Variants in LRFN5 observed in about 807,000 individuals in gnomAD.
The protein encoded by LRFN5 is leucine rich repeat and fibronectin type III domain containing 5.
LRFN5 carries 24 observed loss-of-function variants against 45.6 expected under a neutral mutation model. The observed-to-expected ratio is 0.53, with a 90% confidence interval of 0.38 to 0.74. The LOEUF is 0.74. Ranked by LOEUF, LRFN5 falls within the 30% of genes least tolerant of loss-of-function variation. The pLI is 0.00. For missense variants in LRFN5, 776 were observed against 861.5 expected (o/e 0.90, Z 1.24); for synonymous variants, 340 against 313.8 (o/e 1.08, Z -0.88).
At chr14:41,823,377 C>T (rs1888189969) in intron 2 of LRFN5, among the ~76,000 whole-genome samples, 1 of 151,748 alleles carries the variant, frequency 6.6e-6, no homozygotes, top group Non-Finnish European at 1.5e-5. Flanking sequence ...ACTATTTATC[C>T]TCCATTTATG....
chr14:41,716,372 C>T (rs557349830), intron 1 of LRFN5, among the ~76,000 whole-genome samples: 1 of 152,254 alleles, frequency 6.6e-6, no homozygotes, highest in East Asian at 1.9e-4. Context: ...ATTTTCAGAA[C>T]TTTTATGTTC....
chr14:41,898,689 A>G (rs1891014473), intron 4 of LRFN5, among the ~76,000 whole-genome samples: 1 of 152,026 alleles, frequency 6.6e-6, no homozygotes. Context: ...ATTTTAGAAT[A>G]TTATGTTTTT....
intron 1 of LRFN5, among the ~76,000 whole-genome samples, chr14:41,619,412 A>G (rs1162768434): frequency 2.0e-5 from 3 of 152,196 alleles, no homozygotes; most frequent in Non-Finnish European, 4.4e-5. Flanking sequence ...AAAATAATTA[A>G]AATGAGTGTA....
chr14:41,690,185 C>CT (rs1283787104), intron 1 of LRFN5, among the ~76,000 whole-genome samples: 6 of 151,586 alleles, frequency 4.0e-5, no homozygotes, highest in Admixed American at 3.3e-4. Context: ...TAACCAAGTC[C>CT]TATTCATCAT....
At chr14:41,882,836 T>C (rs1178884725) in intron 2 of LRFN5, among the ~76,000 whole-genome samples, 1 of 147,518 alleles carries the variant, frequency 6.8e-6, no homozygotes, top group Non-Finnish European at 1.5e-5. Context: ...GCAACAGCTA[T>C]GTATTTCCTC....
At position 41,821,737 on chromosome 14, in the gene LRFN5, C is replaced by G. The variant is rs565744901; in HGVS notation, c.-21+54708C>G. Reference sequence around the variant, plus strand: ...TTGGTTGTACATCTATAGAAATTGGCTGTGAATCCATCTGTTCCTGGGCGT... The same window carrying G: ...TTGGTTGTACATCTATAGAAATTGGGTGTGAATCCATCTGTTCCTGGGCGT... On this transcript the variant is annotated intron_variant, in intron 2 of 5. Coordinates refer to ENST00000298119, the MANE Select transcript of LRFN5 (RefSeq NM_152447.5). Among the ~76,000 whole-genome samples, 5 of 124,472 alleles carry G rather than the reference C, an allele frequency of 4.0e-5. No individual in the cohort carries two copies. In the South Asian group the frequency reaches 1.3e-3, roughly 31 times the overall value. The allele number at this position is 124,472 out of a possible 152,430, so 81.7% of individuals were successfully genotyped here.
At chr14:41,758,436 T>A (rs1025378903) in intron 1 of LRFN5, among the ~76,000 whole-genome samples, 1 of 152,314 alleles carries the variant, frequency 6.6e-6, no homozygotes, top group Admixed American at 6.5e-5. Flanking sequence ...GTTAAGTTTC[T>A]AAATCTAAGC....
chr14:41,785,955 C>T (rs533836203), intron 2 of LRFN5, among the ~76,000 whole-genome samples: 26 of 152,060 alleles, frequency 1.7e-4, no homozygotes, highest in Non-Finnish European at 3.1e-4. Context: ...GCTAGCTTGC[C>T]CACTGCTCGC....
At chr14:41,788,776 CT>C (rs1886817701) in intron 2 of LRFN5, among the ~76,000 whole-genome samples, 1 of 151,958 alleles carries the variant, frequency 6.6e-6, no homozygotes, top group South Asian at 2.1e-4. Context: ...CAATAATTAA[CT>C]TTTCTTTGAG....
chr14:41,879,735 A>ATTAGTTTATATGTT (rs1566500336), intron 2 of LRFN5, among the ~76,000 whole-genome samples: 3,151 of 148,190 alleles, frequency 0.021, 101 homozygotes, highest in African/African-American at 0.073. Context: ...CTTCTTGTCT[A>ATTAGTTTATATGTT]TACATTTTCT....
intron 1 of LRFN5, among the ~76,000 whole-genome samples, chr14:41,726,619 C>G (rs896070150): frequency 6.6e-6 from 1 of 150,680 alleles, no homozygotes; most frequent in African/African-American, 2.4e-5. Context: ...AATAATGGTT[C>G]ATATATTTTT....
At chr14:41,653,452 T>C (rs902060005) in intron 1 of LRFN5, among the ~76,000 whole-genome samples, 5 of 152,120 alleles carry the variant, frequency 3.3e-5, no homozygotes, top group Admixed American at 2.0e-4. Context: ...TCCAGAATTA[T>C]GAGAAATAAA....
chr14:41,670,655 C>T (rs967874419), intron 1 of LRFN5, among the ~76,000 whole-genome samples: 2 of 151,716 alleles, frequency 1.3e-5, no homozygotes, highest in South Asian at 2.1e-4. Flanking sequence ...TTGGTTGTAT[C>T]CAGTTGAGTT....
intron 1 of LRFN5, among the ~76,000 whole-genome samples, chr14:41,715,426 C>G (rs549591399): frequency 1.3e-5 from 2 of 152,220 alleles, no homozygotes; most frequent in East Asian, 1.9e-4. Context: ...GTCAGAATTC[C>G]AACTCTGCCT....
At chr14:41,740,383 A>G (rs751035793) in intron 1 of LRFN5, among the ~76,000 whole-genome samples, 2 of 152,162 alleles carry the variant, frequency 1.3e-5, no homozygotes, top group East Asian at 3.9e-4. Context: ...AGGATGGCTC[A>G]ATGCACATAA....
rs190831117 is a variant in LRFN5, at chr14:41,704,837, A to G, written c.-196-62017A>G. Among the ~76,000 whole-genome samples, 82 of 152,232 alleles carry G rather than the reference A, an allele frequency of 5.4e-4. 1 individual carries two copies. The highest frequency in any genetic ancestry group is 9.4e-4 in the Non-Finnish European group (64 of 68,006). On this transcript the variant is annotated intron_variant, in intron 1 of 5. Transcript: ENST00000298119. Reference sequence around the variant, plus strand: ...GGGAGAGGAAATAAAGAAGAAACCTATTATGTTAGCTGGAATATATTATAC... The same window carrying G: ...GGGAGAGGAAATAAAGAAGAAACCTGTTATGTTAGCTGGAATATATTATAC...
At chr14:41,671,617 G>GTTTTGT (rs1474219783) in intron 1 of LRFN5, among the ~76,000 whole-genome samples, 1 of 78,020 alleles carries the variant, frequency 1.3e-5, no homozygotes, top group Admixed American at 1.8e-4. Context: ...TTTTTTTTTC[G>GTTTTGT]TTTTTTTTTT....
At chr14:41,633,572 C>A (rs1888622670) in intron 1 of LRFN5, among the ~76,000 whole-genome samples, 3 of 152,108 alleles carry the variant, frequency 2.0e-5, no homozygotes, top group Admixed American at 2.0e-4. Context: ...GACTTGATGT[C>A]AGTGCCTGTT....
At chr14:41,858,374 G>A (rs554957860) in intron 2 of LRFN5, among the ~76,000 whole-genome samples, 10 of 152,026 alleles carry the variant, frequency 6.6e-5, no homozygotes, top group Non-Finnish European at 1.0e-4. Context: ...TCTCTCAAAT[G>A]CCTATTTCCA....
Sources: gnomAD v4.1 joint callset for allele counts (sites outside exome capture counted in the v4.1 genomes callset) on GRCh38, gnomAD v4.1.1 for gene constraint, MANE v1.5 for transcripts, NCBI Gene and HGNC (gene_info 2026-07-23, HGNC 2026-07-21) for gene names.